SAMD9L: variants seen among roughly 807,000 people sequenced by gnomAD.
The protein encoded by SAMD9L is sterile alpha motif domain-containing protein 9-like.
In SAMD9L, 68 loss-of-function variants were observed where a neutral mutation model predicts 90.7. That is an observed-to-expected ratio of 0.75 (90% CI 0.62 to 0.92). SAMD9L has a LOEUF of 0.92. SAMD9L is among the 40% of genes least tolerant of loss of function. The probability of loss-of-function intolerance (pLI) is 0.00; values close to 1 mark genes in which losing one functional copy is unlikely to be tolerated. For missense variants in SAMD9L, 1,604 were observed against 1,824.3 expected, an observed-to-expected ratio of 0.88 and a Z score of 2.20; for synonymous variants, 640 against 630.1, an observed-to-expected ratio of 1.02 and a Z score of -0.23.
At chr7:93,140,326 C>A (rs935737999) in intron 4 of SAMD9L, among the ~76,000 whole-genome samples, 11 of 151,556 alleles carry the variant, frequency 7.3e-5, no homozygotes, top group South Asian at 6.3e-4. Context: ...ACCCTCCACA[C>A]CCTAACTGGA....
Position 93,135,015 on chromosome 7 carries a change from C to T in SAMD9L, c.957G>A (p.Lys319=). Residue 319 remains lysine (K), a synonymous_variant, in exon 5 of 5, where the codon AAG becomes AAA. Coordinates refer to ENST00000318238, the MANE Select transcript of SAMD9L (RefSeq NM_152703.5). ...AAATTTGCATCTGAATGTAGAAATACTTATCATTACATATAGAGTGTTTTG... is the reference window on the plus strand; with the variant it reads ...AAATTTGCATCTGAATGTAGAAATATTTATCATTACATATAGAGTGTTTTG... ...TIPKHSICND[K]YFYIQMQICK... is the part of the protein sequence containing the mutation. 6.2e-7 allele frequency: 1 copy of T among 1,612,780 alleles called. No individual in the cohort carries two copies. The highest frequency in any genetic ancestry group is 8.5e-7 in the Non-Finnish European group (1 of 1,178,882).
At position 93,134,938 on chromosome 7, in the gene SAMD9L, T is replaced by A. The variant is rs760100497; in HGVS notation, c.1034A>T (p.Glu345Val). ...CAGGATATCCCTAGAGCTAGCCCCT[T>A]CTCTTACAAACAGTGAAAGATTTTG... ...QNQNLSLFVR[E>V]GASSRDILAN... The change falls in exon 5 of 5, where the codon GAA (glutamate) becomes GTA (valine). Residue 345 changes from glutamate to valine, a missense_variant. By Grantham distance (121) the Glu-to-Val change is moderately radical. Transcript: ENST00000318238. The A allele has an allele frequency of 3.7e-6, 6 of 1,613,674 alleles. No individual in the cohort carries two copies. In the South Asian group the frequency reaches 5.5e-5, roughly 15 times the overall value.
chr7:93,147,954 C>A (rs1792956574), intron 1 of SAMD9L, among the ~76,000 whole-genome samples: 1 of 152,166 alleles, frequency 6.6e-6, no homozygotes, highest in Non-Finnish European at 1.5e-5. Context: ...GAAACCCTCC[C>A]ACTATCCTAA....
chr7:93,133,478 T>A lies in SAMD9L; in HGVS notation c.2494A>T (p.Thr832Ser), dbSNP rs751988976. 1.2e-6 allele frequency: 2 copies of A among 1,612,274 alleles called. No individual in the cohort carries two copies. Among genetic ancestry groups the A allele is most frequent in the African/African-American group, 2.7e-5 (2 of 74,974 alleles). Residue 832 changes from threonine (T) to serine (S), a missense_variant, in exon 5 of 5, where the codon ACA (threonine) becomes TCA (serine). Thr to Ser is a moderately conservative substitution (Grantham distance 58). Transcript: ENST00000318238. ...LAEKDLRYEK[T>S]LVIILNCMRS... ...ATGCAGTTTAAGATAATTACCAATG[T>A]TTTTTCATATCGCAAATCCTTTTCT... is the stretch of plus-strand genomic sequence containing the variant.
chr7:93,138,499 C>T (rs888024487), intron 4 of SAMD9L, among the ~76,000 whole-genome samples: 1 of 151,994 alleles, frequency 6.6e-6, no homozygotes, highest in Non-Finnish European at 1.5e-5. Flanking sequence ...TTGTCAGACA[C>T]AAGAAGGAGT....
Position 93,133,934 on chromosome 7 carries a change from T to C in SAMD9L, c.2038A>G (p.Lys680Glu), listed in dbSNP as rs1792279375. The C allele has an allele frequency of 1.2e-6, 2 of 1,613,936 alleles. No homozygotes were observed. The highest frequency in any genetic ancestry group is 1.3e-5 in the African/African-American group (1 of 75,042). The change falls in exon 5 of 5, where the codon AAG becomes GAG. Residue 680 changes from lysine (K) to glutamate (E), a missense_variant. Physicochemically the swap from Lys to Glu is moderately conservative, Grantham distance 56. This residue lies in a region of SAMD9L where 606 missense variants were observed against 717.6 expected (regional missense o/e 0.84). Coordinates refer to ENST00000318238, the MANE Select transcript of SAMD9L (RefSeq NM_152703.5). ...TAAAAGTGTTCTTCTTTTGATTTCT[T>C]AAACTCCAGGAATTTAGATTTGTCT... ...EKDKSKFLEFKKSKEEHFYRG... is the reference protein window; with the variant it reads ...EKDKSKFLEFEKSKEEHFYRG...
Position 93,135,248 on chromosome 7 carries a change from T to C in SAMD9L, c.724A>G (p.Lys242Glu). 1 of 1,614,124 alleles carries C rather than the reference T, an allele frequency of 6.2e-7. No individual in the cohort carries two copies. The highest frequency in any genetic ancestry group is 2.2e-5 in the East Asian group (1 of 44,882). Residue 242 changes from lysine to glutamate, a missense_variant, in exon 5 of 5, where the codon AAG becomes GAG. Around this residue, in one of 7 missense-constraint regions of SAMD9L, gnomAD observed 374 missense variants for 363.6 expected, o/e 1.03. Coordinates refer to ENST00000318238, the MANE Select transcript of SAMD9L (RefSeq NM_152703.5). ...RTNGTIHFGV[K>E]DKPHGEIVGV... ...ACAATTTCTCCATGGGGTTTGTCCT[T>C]GACTCCAAAATGGATGGTGCCATTG...
rs1379938745 is a variant in SAMD9L at position 93,134,924 on chromosome 7, TAGAG to T, written c.1044_1047del (p.Ser348ArgfsTer13). On this transcript the variant is annotated frameshift_variant, in exon 5 of 5. Transcript: ENST00000318238. LOFTEE classifies it low-confidence loss of function (END_TRUNC). ...TGCTTGGAATTGGCCAGGATATCCC[TAGAG>T]CTAGCCCCTTCTCTTACAAACAGTG... 1.2e-6 allele frequency: 2 copies of T among 1,613,676 alleles called. No homozygotes were observed. The highest frequency in any genetic ancestry group is 1.7e-6 in the Non-Finnish European group (2 of 1,179,608).
chr7:93,132,851 T>C lies in SAMD9L; in HGVS notation c.3121A>G (p.Thr1041Ala), dbSNP rs921411217. The change falls in exon 5 of 5, where the codon ACA becomes GCA. Residue 1041 changes from threonine (T) to alanine (A), a missense_variant. Physicochemically the swap from Thr to Ala is moderately conservative, Grantham distance 58. Transcript: ENST00000318238. The part of the protein sequence containing the change: ...FQHDVQTLLL[T>A]RQRKVYGDET... Reference sequence around the variant, plus strand: ...TCTCCATACACCTTGCGCTGTCTTGTAAGCAGAAGAGTTTGAACATCATGT... The same window carrying C: ...TCTCCATACACCTTGCGCTGTCTTGCAAGCAGAAGAGTTTGAACATCATGT... The C allele has an allele frequency of 1.9e-6, 3 of 1,613,828 alleles. No homozygotes were observed.
At chr7:93,143,241 C>T (rs1792761992) in intron 4 of SAMD9L, among the ~76,000 whole-genome samples, 1 of 152,064 alleles carries the variant, frequency 6.6e-6, no homozygotes, top group Non-Finnish European at 1.5e-5. Context: ...TAGAGGTTTC[C>T]CAATGGTTCA....
chr7:93,137,886 G>T (rs1215303194), intron 4 of SAMD9L, among the ~76,000 whole-genome samples: 2 of 151,980 alleles, frequency 1.3e-5, no homozygotes, highest in East Asian at 1.9e-4. Flanking sequence ...CTAAACTGGG[G>T]CTTCAGCTTG....
chr7:93,132,595 A>G lies in SAMD9L; in HGVS notation c.3377T>C (p.Val1126Ala). Reference sequence around the variant, plus strand: ...CCACCATTTGATTTCACTTTTGTAGACTTGACCTAGTGTATCTGAAATATA... The same window carrying G: ...CCACCATTTGATTTCACTTTTGTAGGCTTGACCTAGTGTATCTGAAATATA... ...NSYISDTLGQ[V>A]YKSEIKWWLD... Residue 1126 changes from valine (V) to alanine (A), a missense_variant, in exon 5 of 5, where the codon GTC (valine) becomes GCC (alanine). Coordinates refer to ENST00000318238, the MANE Select transcript of SAMD9L (RefSeq NM_152703.5). The G allele has an allele frequency of 1.2e-6, 2 of 1,613,760 alleles. No individual in the cohort carries two copies. The highest frequency in any genetic ancestry group is 1.7e-6 in the Non-Finnish European group (2 of 1,179,824).
At chr7:93,138,567 G>A (rs1178627946) in intron 4 of SAMD9L, among the ~76,000 whole-genome samples, 2 of 152,204 alleles carry the variant, frequency 1.3e-5, no homozygotes, top group East Asian at 3.9e-4. Context: ...GTGAAGTTAA[G>A]GGAACTGCTG....
rs146086534 is a variant in SAMD9L, at chr7:93,147,507, C to T, written c.-1042-361G>A. 2.1e-4 allele frequency among the ~76,000 whole-genome samples: 32 copies of T among 152,276 alleles called. No homozygotes were observed. The East Asian group carries it at 5.6e-3, about 27-fold the overall frequency. On this transcript the variant is annotated intron_variant, in intron 1 of 4. Coordinates refer to ENST00000318238, the MANE Select transcript of SAMD9L (RefSeq NM_152703.5). ...CTTTGAGAGACCCTCAGCAACACCG[C>T]TGATATCCATGCCCTAGGGAGGTGT...
chr7:93,137,628 T>C (rs113743383), intron 4 of SAMD9L, among the ~76,000 whole-genome samples: 7 of 151,964 alleles, frequency 4.6e-5, no homozygotes, highest in African/African-American at 1.7e-4. Context: ...CACTACCCTG[T>C]GGAAAAATTG....
In SAMD9L at chr7:93,135,121, A is replaced by G; in HGVS notation, c.851T>C (p.Ile284Thr). The G allele has an allele frequency of 6.2e-7, 1 of 1,612,536 alleles. No homozygotes were observed. Among genetic ancestry groups the G allele is most frequent in the Non-Finnish European group, 8.5e-7 (1 of 1,179,918 alleles). ...ESEINEAKKC[I>T]REPRFVEVLL... ...GACTTCCACAAACCTTGGCTCCCGAATACACTTCTTGGCTTCATTGATCTC... is the reference window on the plus strand; with the variant it reads ...GACTTCCACAAACCTTGGCTCCCGAGTACACTTCTTGGCTTCATTGATCTC... The change falls in exon 5 of 5, where the codon ATT becomes ACT. Residue 284 changes from isoleucine to threonine, a missense_variant. Transcript: ENST00000318238.
chr7:93,136,594 G>C (rs1004256095), intron 4 of SAMD9L, among the ~76,000 whole-genome samples: 1 of 152,156 alleles, frequency 6.6e-6, no homozygotes, highest in African/African-American at 2.4e-5. Context: ...AAAGAGACTA[G>C]CTATAATTCA....
chr7:93,146,149 T>C (rs1792881899), intron 2 of SAMD9L, 109 bp from the exon 3 acceptor site: 4 of 152,154 alleles, frequency 2.6e-5, no homozygotes, highest in Admixed American at 1.3e-4. Context: ...TGATATTAGG[T>C]CTTTTATTTT....
intron 4 of SAMD9L, among the ~76,000 whole-genome samples, chr7:93,139,760 C>T (rs1211611776): frequency 6.6e-6 from 1 of 151,926 alleles, no homozygotes; most frequent in Non-Finnish European, 1.5e-5. Context: ...AACTACAAGC[C>T]CTCCGTCCTC....
Sources: allele counts gnomAD v4.1 joint callset (sites outside exome capture counted in the v4.1 genomes callset), GRCh38; gene constraint gnomAD v4.1.1; regional missense constraint gnomAD v4.1.1; transcripts MANE v1.5; gene names NCBI Gene and HGNC (gene_info 2026-07-23, HGNC 2026-07-21).